Variants in MMP16 observed in about 807,000 individuals in gnomAD.
MMP16 encodes matrix metallopeptidase 16, also known as matrix metalloproteinase-16.
A neutral mutation model predicts 67.8 loss-of-function variants in MMP16; 12 were observed. The observed-to-expected ratio is 0.18, with a 90% CI of 0.11 to 0.29. The LOEUF (loss-of-function observed/expected upper bound fraction) is 0.29. Ranked by LOEUF, MMP16 falls within the 10% of genes least tolerant of loss-of-function variation. The pLI is 1.00. For missense variants in MMP16, 475 were observed against 765.7 expected, an observed-to-expected ratio of 0.62 and a Z score of 4.48; for synonymous variants, 249 against 255.9, an observed-to-expected ratio of 0.97 and a Z score of 0.26.
chr8:88,147,298 C>T (rs528164242), intron 4 of MMP16, among the ~76,000 whole-genome samples: 5 of 151,958 alleles, frequency 3.3e-5, no homozygotes, highest in South Asian at 2.1e-4. Context: ...AATTCCTTAA[C>T]GCTAAAATAA....
At chr8:88,111,348 A>T (rs1377216368) in intron 6 of MMP16, among the ~76,000 whole-genome samples, 1 of 151,748 alleles carries the variant, frequency 6.6e-6, no homozygotes, top group Non-Finnish European at 1.5e-5. Flanking sequence ...CAGTCTGGAC[A>T]GAAATAAAGA....
At chr8:88,296,985 T>C (rs1200936166) in intron 1 of MMP16, among the ~76,000 whole-genome samples, 1 of 152,014 alleles carries the variant, frequency 6.6e-6, no homozygotes, top group Non-Finnish European at 1.5e-5. Flanking sequence ...CTTAGTGCCC[T>C]GGGAAAGTTA....
At chr8:88,282,903 T>C (rs1037550722) in intron 1 of MMP16, among the ~76,000 whole-genome samples, 4 of 152,218 alleles carry the variant, frequency 2.6e-5, no homozygotes, top group African/African-American at 9.6e-5. Context: ...TTTTCATATA[T>C]TGTTTAAGTC....
At chr8:88,176,501 G>A (rs1467111890) in intron 3 of MMP16, among the ~76,000 whole-genome samples, 3 of 152,136 alleles carry the variant, frequency 2.0e-5, no homozygotes, top group Non-Finnish European at 4.4e-5. Flanking sequence ...TGAAAACAGT[G>A]TATCAATATA....
intron 1 of MMP16, among the ~76,000 whole-genome samples, chr8:88,269,900 C>T (rs557406409): frequency 1.3e-5 from 2 of 152,336 alleles, no homozygotes; most frequent in South Asian, 2.1e-4. Context: ...AAATGCATAA[C>T]TGTTTCACAG....
At chr8:88,137,836 A>G (rs1192416996) in intron 4 of MMP16, among the ~76,000 whole-genome samples, 1 of 151,610 alleles carries the variant, frequency 6.6e-6, no homozygotes, top group Non-Finnish European at 1.5e-5. Context: ...TATTTTCTTG[A>G]TATTGGAAGA....
chr8:88,166,437 G>A (rs907688249), intron 4 of MMP16, among the ~76,000 whole-genome samples: 2 of 151,594 alleles, frequency 1.3e-5, no homozygotes, highest in African/African-American at 4.8e-5. Context: ...AGAAACACAT[G>A]CCTCTTATAT....
chr8:88,051,783 T>C (rs534288216), intron 8 of MMP16, among the ~76,000 whole-genome samples: 13 of 152,324 alleles, frequency 8.5e-5, no homozygotes, highest in African/African-American at 3.1e-4. Flanking sequence ...TCTCAACAGC[T>C]AAGCTTCTTA....
chr8:88,145,513 G>A (rs1808276554), intron 4 of MMP16, among the ~76,000 whole-genome samples: 1 of 151,842 alleles, frequency 6.6e-6, no homozygotes, highest in Non-Finnish European at 1.5e-5. Flanking sequence ...AATTTCAATA[G>A]AGAAATAAGC....
At chr8:88,241,666 C>G (rs1039848816) in intron 1 of MMP16, among the ~76,000 whole-genome samples, 15 of 151,948 alleles carry the variant, frequency 9.9e-5, no homozygotes, top group African/African-American at 3.4e-4. Flanking sequence ...AGCTATTTAA[C>G]ATACACATTA....
chr8:88,093,875 A>T (rs182391610), intron 6 of MMP16, among the ~76,000 whole-genome samples: 1 of 151,944 alleles, frequency 6.6e-6, no homozygotes, highest in Non-Finnish European at 1.5e-5. Flanking sequence ...TAGCAATTTC[A>T]ATGACACTAT....
chr8:88,144,758 T>A (rs1319863947), intron 4 of MMP16, among the ~76,000 whole-genome samples: 1 of 151,922 alleles, frequency 6.6e-6, no homozygotes, highest in Non-Finnish European at 1.5e-5. Context: ...AAAAACAAGT[T>A]TTTTTCTGTT....
At chr8:88,179,527 T>C (rs969954872) in intron 3 of MMP16, among the ~76,000 whole-genome samples, 19 of 151,878 alleles carry the variant, frequency 1.3e-4, no homozygotes, top group Non-Finnish European at 2.4e-4. Context: ...AGAAAGATCA[T>C]TAGGGAAGGA....
Position 88,116,667 on chromosome 8 carries a change from G to A in MMP16, c.923C>T (p.Pro308Leu), listed in dbSNP as rs912451959. 8.1e-6 allele frequency: 13 copies of A among 1,613,770 alleles called. No individual in the cohort carries two copies. The highest frequency in any genetic ancestry group is 1.0e-5 in the Non-Finnish European group (12 of 1,179,848). ...PPTRPLPTVP[P>L]HRSIPPADPR... ...GTCAGCCGGAGGAATAGAGCGGTGT[G>A]GGGGCACTGTCGGTAGAGGTCTTGT... The change falls in exon 6 of 10, where the codon CCA (proline) becomes CTA (leucine). Residue 308 changes from proline (P) to leucine (L), a missense_variant. Physicochemically the swap from Pro to Leu is moderately conservative, Grantham distance 98 (BLOSUM62 -3). This residue lies in a region of MMP16 where 195 missense variants were observed against 300.9 expected (regional missense o/e 0.65). Coordinates refer to ENST00000286614, the MANE Select transcript of MMP16 (RefSeq NM_005941.5).
chr8:88,231,657 G>A (rs1263081778), intron 1 of MMP16, among the ~76,000 whole-genome samples: 1 of 152,160 alleles, frequency 6.6e-6, no homozygotes, highest in Admixed American at 6.5e-5. Flanking sequence ...AATATTAACA[G>A]TTTACAAGTC....
intron 4 of MMP16, among the ~76,000 whole-genome samples, chr8:88,124,802 T>C (rs1455799630): frequency 6.6e-6 from 1 of 151,980 alleles, no homozygotes; most frequent in Non-Finnish European, 1.5e-5. Context: ...GCCAGAAATC[T>C]GAGCTCAGGG....
intron 6 of MMP16, among the ~76,000 whole-genome samples, chr8:88,075,573 T>C (rs926112095): frequency 6.6e-6 from 1 of 152,108 alleles, no homozygotes; most frequent in East Asian, 1.9e-4. Flanking sequence ...CAAAAAAGGA[T>C]ACATCTGATG....
intron 6 of MMP16, among the ~76,000 whole-genome samples, chr8:88,087,160 C>G (rs1808847440): frequency 6.6e-6 from 1 of 151,840 alleles, no homozygotes; most frequent in Admixed American, 6.6e-5. Context: ...ATTAGCAAGC[C>G]TACTTAGATT....
chr8:88,074,780 T>C (rs781221108), intron 6 of MMP16, 37 bp from the exon 7 acceptor site: 74 of 1,597,820 alleles, frequency 4.6e-5, no homozygotes, highest in Non-Finnish European at 6.0e-5. Flanking sequence ...AACAAACACG[T>C]AGGCCTCCCT....
Sources: allele counts gnomAD v4.1 joint callset (sites outside exome capture counted in the v4.1 genomes callset), GRCh38; gene constraint gnomAD v4.1.1; regional missense constraint gnomAD v4.1.1; transcripts MANE v1.5; gene names NCBI Gene and HGNC (gene_info 2026-07-23, HGNC 2026-07-21).